AKAP19: variants seen among roughly 807,000 people sequenced by gnomAD.
AKAP19 encodes A-kinase anchoring protein 19, also known as small A-kinase anchoring protein.
chr2:189,971,238 G>GT, the AKAP19 span, among the ~76,000 whole-genome samples: 1 of 152,056 alleles, frequency 6.6e-6, no homozygotes, highest in Non-Finnish European at 1.5e-5. Flanking sequence ...GTGGTGTTTG[G>GT]TTTTTTGTCC....
the AKAP19 span, among the ~76,000 whole-genome samples, chr2:190,187,901 C>T: frequency 6.6e-5 from 10 of 152,106 alleles, no homozygotes; most frequent in African/African-American, 2.4e-4. Context: ...TTTTCTTTGA[C>T]GGACCCAACA....
the AKAP19 span, among the ~76,000 whole-genome samples, chr2:190,020,761 T>G: frequency 6.6e-6 from 1 of 152,184 alleles, no homozygotes. Context: ...TTCCCCCTCC[T>G]TCCAGCCCCT....
the AKAP19 span, among the ~76,000 whole-genome samples, chr2:189,884,966 A>T: frequency 3.3e-5 from 5 of 152,274 alleles, no homozygotes; most frequent in African/African-American, 1.2e-4. Flanking sequence ...CACTGAAAAT[A>T]AAATAATCAG....
the AKAP19 span, among the ~76,000 whole-genome samples, chr2:190,048,753 T>A: frequency 1.3e-5 from 2 of 152,146 alleles, no homozygotes; most frequent in Non-Finnish European, 2.9e-5. Flanking sequence ...GTCAACAGAA[T>A]CCATGTGGTT....
At chr2:190,115,547 C>G in the AKAP19 span, among the ~76,000 whole-genome samples, 28 of 149,822 alleles carry the variant, frequency 1.9e-4, no homozygotes, top group Non-Finnish European at 3.4e-4. Context: ...TCTCGATCTC[C>G]TGACCTCGTG....
the AKAP19 span, among the ~76,000 whole-genome samples, chr2:190,167,479 G>A: frequency 6.6e-6 from 1 of 152,084 alleles, no homozygotes; most frequent in Non-Finnish European, 1.5e-5. Flanking sequence ...CAGTCCCCTG[G>A]AGTCTTAACT....
the AKAP19 span, among the ~76,000 whole-genome samples, chr2:190,014,372 G>C: frequency 6.6e-6 from 1 of 152,124 alleles, no homozygotes; most frequent in African/African-American, 2.4e-5. Flanking sequence ...AGTGTGTGAA[G>C]GAGGAACTCT....
At chr2:189,939,077 G>C in the AKAP19 span, among the ~76,000 whole-genome samples, 2 of 152,146 alleles carry the variant, frequency 1.3e-5, no homozygotes, top group Non-Finnish European at 2.9e-5. Context: ...AGGAAGCATT[G>C]GGAGTGTGTG....
At chr2:189,975,805 A>C in the AKAP19 span, among the ~76,000 whole-genome samples, 1 of 152,072 alleles carries the variant, frequency 6.6e-6, no homozygotes. Context: ...TTCGTCAAGT[A>C]GTTCTCGTGC....
chr2:189,919,552 C>G, the AKAP19 span, among the ~76,000 whole-genome samples: 245 of 152,108 alleles, frequency 1.6e-3, no homozygotes, highest in African/African-American at 5.8e-3. Context: ...TACCCCCACT[C>G]CCCAACAGAC....
chr2:190,020,926 C>G, the AKAP19 span, among the ~76,000 whole-genome samples: 25 of 152,144 alleles, frequency 1.6e-4, no homozygotes, highest in Non-Finnish European at 3.4e-4. Context: ...TATCCATGAA[C>G]CTTACATTAG....
chr2:189,916,340 T>G, the AKAP19 span, among the ~76,000 whole-genome samples: 32 of 149,906 alleles, frequency 2.1e-4, no homozygotes, highest in African/African-American at 7.1e-4. Flanking sequence ...TTTTTTTTTT[T>G]TTTTTGGAGA....
chr2:190,102,643 T>TG, the AKAP19 span, among the ~76,000 whole-genome samples: 1 of 152,052 alleles, frequency 6.6e-6, no homozygotes, highest in African/African-American at 2.4e-5. Flanking sequence ...AGAAAGAAAT[T>TG]GAAACCCTGA....
the AKAP19 span, among the ~76,000 whole-genome samples, chr2:190,052,676 G>A: frequency 6.6e-6 from 1 of 151,994 alleles, no homozygotes; most frequent in African/African-American, 2.4e-5. Flanking sequence ...ACGTTAAAGA[G>A]AAAAAACCCT....
chr2:190,103,763 G>A, the AKAP19 span, among the ~76,000 whole-genome samples: 171 of 152,232 alleles, frequency 1.1e-3, no homozygotes, highest in African/African-American at 3.8e-3. Flanking sequence ...CCACACTGCC[G>A]AAAGCAATCT....
chr2:190,127,805 A>C, the AKAP19 span, among the ~76,000 whole-genome samples: 5 of 152,138 alleles, frequency 3.3e-5, no homozygotes, highest in African/African-American at 1.2e-4. Context: ...AGATGGCCTT[A>C]AACAGTGTTT....
chr2:189,969,835 TTC>T, the AKAP19 span, among the ~76,000 whole-genome samples: 2 of 151,296 alleles, frequency 1.3e-5, no homozygotes, highest in Non-Finnish European at 2.9e-5. Context: ...TCTTCTCTTT[TTC>T]TCTTTCTTCT....
chr2:190,028,404 T>C, the AKAP19 span, among the ~76,000 whole-genome samples: 12 of 152,316 alleles, frequency 7.9e-5, no homozygotes, highest in African/African-American at 2.9e-4. Flanking sequence ...TTCCCATGAA[T>C]AGATTAGTTT....
the AKAP19 span, among the ~76,000 whole-genome samples, chr2:190,197,172 G>A: frequency 6.6e-6 from 1 of 152,152 alleles, no homozygotes; most frequent in African/African-American, 2.4e-5. The surrounding 1 kb of genome is among the most constrained non-coding windows in gnomAD (Gnocchi z 4.0). Flanking sequence ...TTCAATATAT[G>A]AATTTGGAGA....
Sources: gnomAD v4.1 joint callset for allele counts (sites outside exome capture counted in the v4.1 genomes callset) on GRCh38, gnomAD v4.1.1 for gene constraint, Gnocchi (gnomAD v3.1) non-coding constraint, MANE v1.5 for transcripts, NCBI Gene and HGNC (gene_info 2026-07-23, HGNC 2026-07-21) for gene names.